Variants in KLHL30 observed in about 807,000 individuals in gnomAD.
KLHL30 encodes kelch-like protein 30.
In KLHL30, 55 loss-of-function variants were observed where a neutral mutation model predicts 55.0. That is an observed-to-expected ratio of 1.00 (90% CI 0.80 to 1.25). The LOEUF is 1.25. KLHL30 is among the 50% of genes most tolerant of loss of function. The pLI, the probability that KLHL30 is intolerant of heterozygous loss-of-function variation, is 0.00. For synonymous variants in KLHL30, 356 were observed against 372.6 expected, an observed-to-expected ratio of 0.96 and a Z score of 0.51; for missense variants, 786 against 811.6, an observed-to-expected ratio of 0.97 and a Z score of 0.38.
In KLHL30 at chr2:238,145,769, A is replaced by C; in HGVS notation, c.1087A>C (p.Met363Leu). 1.9e-6 allele frequency: 3 copies of C among 1,606,866 alleles called. No homozygotes were observed. The highest frequency in any genetic ancestry group is 2.5e-6 in the Non-Finnish European group (3 of 1,177,688). The part of the protein sequence containing the change: ...KEASWKPVAP[M>L]LKPRTNHASA... ...GGCCTCCTGGAAGCCCGTGGCGCCC[A>C]TGCTGAAGCCCCGCACCAACCACGC... Residue 363 changes from methionine (M) to leucine (L), a missense_variant, in exon 5 of 8, where the codon ATG becomes CTG. Met to Leu is a conservative substitution (Grantham distance 15). Transcript: ENST00000409223.
chr2:238,147,858 T>C lies in KLHL30; in HGVS notation c.1175T>C (p.Val392Ala). 6.5e-7 allele frequency: 1 copy of C among 1,536,026 alleles called. No individual in the cohort carries two copies. The highest frequency in any genetic ancestry group is 1.2e-5 in the South Asian group (1 of 82,202). Residue 392 changes from valine (V) to alanine (A), a missense_variant, in exon 6 of 8, where the codon GTG becomes GCG. By Grantham distance (64) the Val-to-Ala change is moderately conservative (BLOSUM62 0). Coordinates refer to ENST00000409223, the MANE Select transcript of KLHL30 (RefSeq NM_198582.4). The surrounding 1 kb of genome is among the most constrained non-coding windows in gnomAD (Gnocchi z 5.8). ...GGCACCACCCTGGACGTGGTGGAGG[T>C]GGAGAGCTATGACCCCTACACGGAC... is the stretch of plus-strand genomic sequence containing the variant. ...IGGTTLDVVE[V>A]ESYDPYTDSW...
In KLHL30 at chr2:238,147,054, A is replaced by G. The variant is rs1017718529; in HGVS notation, c.1151-780A>G. On this transcript the variant is annotated intron_variant, in intron 5 of 7. Coordinates refer to ENST00000409223, the MANE Select transcript of KLHL30 (RefSeq NM_198582.4). This position sits in a 1 kb window ranked among gnomAD's most constrained non-coding sequence, Gnocchi z 5.8. ...CATGGTGTCACGTGCCAGCCGAGGT[A>G]GGAGTATCGCTGAGCCTGAGAGGTT... is the stretch of plus-strand genomic sequence containing the variant. Among the ~76,000 whole-genome samples the G allele has an allele frequency of 6.7e-6, 1 of 149,538 alleles. No homozygotes were observed. Among genetic ancestry groups the G allele is most frequent in the Non-Finnish European group, 1.5e-5 (1 of 67,502 alleles).
chr2:238,145,152 G>A (rs1692625053), intron 4 of KLHL30, among the ~76,000 whole-genome samples, 164 bp downstream of exon 4: 1 of 152,220 alleles, frequency 6.6e-6, no homozygotes, highest in South Asian at 2.1e-4. Context: ...TCACTCGTGG[G>A]AGCTGGGAGC....
At chr2:238,145,565 G>A (rs765338859) in intron 4 of KLHL30, 112 bp from the exon 5 acceptor site, 223 of 1,282,240 alleles carry the variant, frequency 1.7e-4, no homozygotes, top group Admixed American at 7.0e-4. Context: ...GGCTCACCAC[G>A]TTGGAGATCA....
rs1210132222 is a variant in KLHL30, at chr2:238,145,691, A to C, written c.1009A>C (p.Thr337Pro). Residue 337 changes from threonine to proline, a missense_variant, in exon 5 of 8, where the codon ACA becomes CCA. Transcript: ENST00000409223. ...TCTCCCGGCAGGTGGCTCTCGGGGC[A>C]CAAAGACAGACACCTGGTCAACCAC... ...NIYVTGGSRG[T>P]KTDTWSTTQA... The C allele has an allele frequency of 1.3e-6, 2 of 1,581,170 alleles. No homozygotes were observed. Among genetic ancestry groups the C allele is most frequent in the Non-Finnish European group, 1.7e-6 (2 of 1,165,638 alleles).
chr2:238,142,387 G>T (rs544476543), intron 2 of KLHL30, among the ~76,000 whole-genome samples: 103 of 152,278 alleles, frequency 6.8e-4, no homozygotes, highest in African/African-American at 2.3e-3. Context: ...AGATCTGGGG[G>T]TTCCATATGG....
rs1692671162 is a variant in KLHL30 at position 238,147,663 on chromosome 2, G to A, written c.1151-171G>A. On this transcript the variant is annotated intron_variant, in intron 5 of 7. Transcript: ENST00000409223. This position sits in a 1 kb window ranked among gnomAD's most constrained non-coding sequence, Gnocchi z 5.8. ...CCCCACCCCCACCACTTCCTGGCGG[G>A]GCGGCCTTGGGAGGTGCCAGCACCT... 6.6e-6 allele frequency among the ~76,000 whole-genome samples: 1 copy of A among 152,034 alleles called. No individual in the cohort carries two copies.
rs924504726 is a variant in KLHL30 at position 238,151,155 on chromosome 2, C to A, written c.*90C>A. 1.1e-5 allele frequency: 16 copies of A among 1,473,344 alleles called. No individual in the cohort carries two copies. In the Admixed American group the frequency reaches 1.5e-4, roughly 14 times the overall value. 91.3% of individuals were successfully genotyped at this position (1,473,344 alleles called of 1,614,324 possible). A position where few individuals can be genotyped will look rare whatever the true frequency, so the allele number is the denominator to read the frequency against. On this transcript the variant is annotated 3_prime_UTR_variant, in exon 8 of 8. Coordinates refer to ENST00000409223, the MANE Select transcript of KLHL30 (RefSeq NM_198582.4). ...CCTTTCATTTTCGCTTATTTGTTCA[C>A]TCGGAGCTACCATTCCTTCCAAGCT...
intron 7 of KLHL30, 118 bp downstream of exon 7, chr2:238,149,270 C>T (rs766067629): frequency 4.0e-5 from 56 of 1,387,992 alleles, no homozygotes; most frequent in African/African-American, 1.6e-4. Flanking sequence ...AAGGGGACAG[C>T]GCAGGCTGGG....
chr2:238,150,769 C>T, intron 7 of KLHL30, 45 bp from the exon 8 acceptor site: 10 of 1,534,384 alleles, frequency 6.5e-6, no homozygotes, highest in Non-Finnish European at 7.9e-6. Flanking sequence ...CAGCCCTGCT[C>T]TCCAGCTCCC....
chr2:238,147,979 CA>C lies in KLHL30; in HGVS notation c.1298del (p.Lys433SerfsTer19). Reference protein sequence around the residue: ...RLYLVGSSACKYNALALQCYN... With the variant: ...RLYLVGSSACXYNALALQCYN... ...TCTACCTGGTGGGCTCCAGCGCCTG[CA>C]AGTACAACGCCCTGGCCCTGCAGTG... On this transcript the variant is annotated frameshift_variant, in exon 6 of 8. Coordinates refer to ENST00000409223, the MANE Select transcript of KLHL30 (RefSeq NM_198582.4). LOFTEE classifies it high-confidence loss of function. The surrounding 1 kb of genome is among the most constrained non-coding windows in gnomAD (Gnocchi z 5.8). 1.3e-6 allele frequency: 2 copies of C among 1,553,448 alleles called. No homozygotes were observed. Among genetic ancestry groups the C allele is most frequent in the Admixed American group, 1.9e-5 (1 of 51,458 alleles).
At chr2:238,145,490 G>T (rs1171747415) in intron 4 of KLHL30, among the ~76,000 whole-genome samples, 187 bp from the exon 5 acceptor site, 2 of 152,198 alleles carry the variant, frequency 1.3e-5, no homozygotes, top group African/African-American at 2.4e-5. Context: ...TGTCGTCCTT[G>T]TTTATGGGGA....
chr2:238,149,218 C>G, intron 7 of KLHL30, 66 bp downstream of exon 7: 1 of 1,588,014 alleles, frequency 6.3e-7, no homozygotes, highest in Non-Finnish European at 8.6e-7. Context: ...AGAGAGCCAG[C>G]CTGGGAAGTG....
Position 238,150,889 on chromosome 2 carries a change from C to T in KLHL30, c.1561C>T (p.Arg521Cys), listed in dbSNP as rs755636005. 38 of 1,599,206 alleles carry T rather than the reference C, an allele frequency of 2.4e-5. No homozygotes were observed. In the East Asian group the frequency reaches 2.9e-4, roughly 12 times the overall value. ...LGDALYVTGG[R>C]WQGMEGDYHV... ...TGATGCGCTGTACGTGACGGGCGGC[C>T]GCTGGCAGGGCATGGAAGGTGACTA... The change falls in exon 8 of 8, where the codon CGC (arginine) becomes TGC (cysteine). Residue 521 changes from arginine (R) to cysteine (C), a missense_variant. Coordinates refer to ENST00000409223, the MANE Select transcript of KLHL30 (RefSeq NM_198582.4).
chr2:238,147,970 C>A lies in KLHL30; in HGVS notation c.1287C>A (p.Ser429=). The change falls in exon 6 of 8, where the codon TCC becomes TCA. Residue 429 remains serine, a synonymous_variant. Transcript: ENST00000409223. The surrounding 1 kb of genome is among the most constrained non-coding windows in gnomAD (Gnocchi z 5.8). Reference sequence around the variant, plus strand: ...GGGGCCGGCTCTACCTGGTGGGCTCCAGCGCCTGCAAGTACAACGCCCTGG... The same window carrying A: ...GGGGCCGGCTCTACCTGGTGGGCTCAAGCGCCTGCAAGTACAACGCCCTGG... ...GCRGRLYLVG[S]SACKYNALAL... 1.3e-6 allele frequency: 2 copies of A among 1,562,386 alleles called. No homozygotes were observed. The highest frequency in any genetic ancestry group is 1.2e-5 in the South Asian group (1 of 83,920).
At chr2:238,142,574 G>A (rs887735055) in intron 2 of KLHL30, among the ~76,000 whole-genome samples, 3 of 152,192 alleles carry the variant, frequency 2.0e-5, no homozygotes, top group African/African-American at 4.8e-5. Context: ...GTGGCGCTGC[G>A]GACCTGCTAT....
chr2:238,141,222 C>T lies in KLHL30; in HGVS notation c.468C>T (p.Ala156=). 1 of 1,610,054 alleles carries T rather than the reference C, an allele frequency of 6.2e-7. No homozygotes were observed. The highest frequency in any genetic ancestry group is 8.5e-7 in the Non-Finnish European group (1 of 1,179,690). The part of the protein sequence containing the change: ...GLLGVAAKAW[A]FLRENFEAVA... The stretch of plus-strand genomic sequence containing the variant: ...TGGGCGTGGCTGCCAAGGCCTGGGC[C>T]TTCCTGCGAGAGAACTTTGAGGCTG... The change falls in exon 2 of 8, where the codon GCC becomes GCT. Residue 156 remains alanine (A), a synonymous_variant. Transcript: ENST00000409223.
chr2:238,141,437 C>T lies in KLHL30; in HGVS notation c.683C>T (p.Pro228Leu), dbSNP rs551498037. The T allele has an allele frequency of 5.8e-6, 9 of 1,549,892 alleles. No homozygotes were observed. The South Asian group carries it at 7.0e-5, about 12-fold the overall frequency. ...AGCCTAGTGCACCTGGACGCCGTGC[C>T]CAGGCCCTGCGTGCAGCAACTGCTG... ...LLSLVHLDAV[P>L]RPCVQQLLAS... The change falls in exon 2 of 8, where the codon CCC becomes CTC. Residue 228 changes from proline (P) to leucine (L), a missense_variant. Pro to Leu is a moderately conservative substitution (Grantham distance 98). Coordinates refer to ENST00000409223, the MANE Select transcript of KLHL30 (RefSeq NM_198582.4).
At position 238,141,001 on chromosome 2, in the gene KLHL30, GTGGTGGGACAAC is replaced by G. The variant is rs1692523990; in HGVS notation, c.254_265del (p.Gly85_Val88del). ...GGAGCTGCGGGACGTGGAGCCCGCC[GTGGTGGGACAAC>G]TGGTGGACTTCGTGTACACAGGCCG... On this transcript the variant is annotated inframe_deletion, in exon 2 of 8. Transcript: ENST00000409223. The G allele has an allele frequency of 6.2e-7, 1 of 1,612,512 alleles. No homozygotes were observed. Among genetic ancestry groups the G allele is most frequent in the Non-Finnish European group, 8.5e-7 (1 of 1,179,716 alleles).
Sources: gnomAD v4.1 joint callset for allele counts (sites outside exome capture counted in the v4.1 genomes callset) on GRCh38, gnomAD v4.1.1 for gene constraint, Gnocchi (gnomAD v3.1) non-coding constraint, MANE v1.5 for transcripts, NCBI Gene and HGNC (gene_info 2026-07-23, HGNC 2026-07-21) for gene names.